The following TBX20 variants were observed in gnomAD, a reference collection of about 807,000 sequenced individuals.
TBX20 encodes the protein T-box transcription factor TBX20.
In TBX20, 8 loss-of-function variants were observed where a neutral mutation model predicts 42.9. That is an observed-to-expected ratio of 0.19 (90% CI 0.11 to 0.34). TBX20 has a LOEUF of 0.34. Ranked by LOEUF, TBX20 falls within the 10% of genes least tolerant of loss-of-function variation. TBX20 has a pLI of 1.00. For synonymous variants in TBX20, 198 were observed against 222.8 expected, an observed-to-expected ratio of 0.89 and a Z score of 0.99; for missense variants, 411 against 566.0, an observed-to-expected ratio of 0.73 and a Z score of 2.78.
intron 6 of TBX20, among the ~76,000 whole-genome samples, chr7:35,224,418 A>G (rs997100811): frequency 6.6e-6 from 1 of 152,270 alleles, no homozygotes; most frequent in Admixed American, 6.5e-5. Flanking sequence ...AAGCCTGTTA[A>G]TCCCAGCACT....
intron 3 of TBX20, among the ~76,000 whole-genome samples, chr7:35,247,430 T>G (rs1303197558): frequency 1.3e-5 from 2 of 152,164 alleles, no homozygotes; most frequent in Admixed American, 6.5e-5. Flanking sequence ...TTTAATATAC[T>G]GATTTGAAAG....
intron 5 of TBX20, among the ~76,000 whole-genome samples, chr7:35,232,464 CT>C (rs1789885553): frequency 6.6e-6 from 1 of 152,176 alleles, no homozygotes; most frequent in Non-Finnish European, 1.5e-5. Context: ...TGAAAGGAAG[CT>C]GAGAGACCAT....
chr7:35,216,333 G>A (rs1472101121), intron 6 of TBX20, among the ~76,000 whole-genome samples: 1 of 152,118 alleles, frequency 6.6e-6, no homozygotes, highest in Non-Finnish European at 1.5e-5. Context: ...AAGTGGTTAG[G>A]GGCATGTTTG....
chr7:35,241,215 G>A (rs1056785968), intron 4 of TBX20, among the ~76,000 whole-genome samples, 178 bp from the exon 5 acceptor site: 4 of 152,218 alleles, frequency 2.6e-5, no homozygotes, highest in Non-Finnish European at 4.4e-5. Flanking sequence ...CAGAGTCATT[G>A]TTGTGAATCA....
intron 6 of TBX20, among the ~76,000 whole-genome samples, chr7:35,222,208 T>C (rs561189818): frequency 2.0e-5 from 3 of 152,152 alleles, no homozygotes; most frequent in Non-Finnish European, 4.4e-5. Context: ...CATGATCTCA[T>C]CTACAAAATA....
chr7:35,228,643 T>C (rs1789816836), intron 6 of TBX20, among the ~76,000 whole-genome samples: 1 of 152,188 alleles, frequency 6.6e-6, no homozygotes, highest in Non-Finnish European at 1.5e-5. Flanking sequence ...CTTTGTGTAC[T>C]GGACAAAGTG....
intron 6 of TBX20, among the ~76,000 whole-genome samples, chr7:35,214,180 A>T (rs537482631): frequency 1.7e-3 from 258 of 152,296 alleles, no homozygotes; most frequent in African/African-American, 6.0e-3. Flanking sequence ...ATCCTCTTAG[A>T]TTATATTTTT....
intron 4 of TBX20, 72 bp downstream of exon 4, chr7:35,244,875 CAG>C (rs1790149777): frequency 3.8e-6 from 4 of 1,057,360 alleles, no homozygotes; most frequent in Non-Finnish European, 5.9e-6. Flanking sequence ...GGAAGGGACT[CAG>C]AGAGAGACAG....
intron 6 of TBX20, 81 bp from the exon 7 acceptor site, chr7:35,204,663 A>C: frequency 9.6e-7 from 1 of 1,044,332 alleles, no homozygotes; most frequent in East Asian, 2.5e-5. Context: ...GTAACTCACT[A>C]ATCAGTAAAA....
intron 4 of TBX20, among the ~76,000 whole-genome samples, chr7:35,243,267 G>A (rs1394552777): frequency 6.6e-6 from 1 of 152,166 alleles, no homozygotes; most frequent in African/African-American, 2.4e-5. Flanking sequence ...TTGCAGGTGT[G>A]AGCCACCGTG....
chr7:35,221,391 T>G (rs187052815), intron 6 of TBX20, among the ~76,000 whole-genome samples: 261 of 151,878 alleles, frequency 1.7e-3, no homozygotes, highest in African/African-American at 6.1e-3. Flanking sequence ...AAGGCTCAAT[T>G]ATATTTAAAT....
At chr7:35,207,004 G>A (rs1322268935) in intron 6 of TBX20, among the ~76,000 whole-genome samples, 1 of 150,290 alleles carries the variant, frequency 6.7e-6, no homozygotes, top group African/African-American at 2.5e-5. Context: ...TTAACAAATG[G>A]ACATATACTT....
chr7:35,250,064 G>A lies in TBX20; in HGVS notation c.267C>T (p.Thr89=). The A allele has an allele frequency of 6.2e-7, 1 of 1,614,096 alleles. No homozygotes were observed. Reference sequence around the variant, plus strand: ...CCATTTCCTCACTGGGGATGATGGGGGTGGTGGGGATCAGTGGCTCAGTGC... The same window carrying A: ...CCATTTCCTCACTGGGGATGATGGGAGTGGTGGGGATCAGTGGCTCAGTGC... ...SLCTEPLIPT[T]PIIPSEEMAK... The change falls in exon 2 of 8, where the codon ACC becomes ACT. Residue 89 remains threonine (T), a synonymous_variant. Coordinates refer to ENST00000408931, the MANE Select transcript of TBX20 (RefSeq NM_001077653.2).
intron 2 of TBX20, 21 bp from the exon 3 acceptor site, chr7:35,248,862 G>T: frequency 1.2e-6 from 2 of 1,611,438 alleles, no homozygotes; most frequent in Non-Finnish European, 1.7e-6. Context: ...GAGAGAGAGA[G>T]AATGGGCCCT....
chr7:35,221,341 A>C (rs1172859389), intron 6 of TBX20, among the ~76,000 whole-genome samples: 1 of 151,556 alleles, frequency 6.6e-6, no homozygotes, highest in African/African-American at 2.4e-5. Context: ...AAGGAAGAAA[A>C]TTTTCCTGAG....
Position 35,202,491 on chromosome 7 carries a change from C to A in TBX20, c.1283G>T (p.Gly428Val). 6.2e-7 allele frequency: 1 copy of A among 1,608,168 alleles called. No homozygotes were observed. The highest frequency in any genetic ancestry group is 8.5e-7 in the Non-Finnish European group (1 of 1,177,318). ...MPRYHHYFQQGPYAAIQGLRH... is the reference protein window; with the variant it reads ...MPRYHHYFQQVPYAAIQGLRH... ...TAGTCCTTGAATGGCAGCATAGGGCCCCTGCTGAAAATAGTGATGGTATCG... is the reference window on the plus strand; with the variant it reads ...TAGTCCTTGAATGGCAGCATAGGGCACCTGCTGAAAATAGTGATGGTATCG... The change falls in exon 8 of 8, where the codon GGG (glycine) becomes GTG (valine). Residue 428 changes from glycine to valine, a missense_variant. Around this residue, in one of 5 missense-constraint regions of TBX20, gnomAD observed 162 missense variants for 205.4 expected, o/e 0.79. Transcript: ENST00000408931.
Position 35,249,873 on chromosome 7 carries a change from T to C in TBX20, c.380+78A>G, listed in dbSNP as rs1790269835. On this transcript the variant is annotated intron_variant, in intron 2 of 7. Coordinates refer to ENST00000408931, the MANE Select transcript of TBX20 (RefSeq NM_001077653.2). This position sits in a 1 kb window ranked among gnomAD's most constrained non-coding sequence, Gnocchi z 4.3. Reference sequence around the variant, plus strand: ...CCATGACCAGCCAGCTCTCATCTAGTTCCTGGAAGCACCCTCAACTACCCA... The same window carrying C: ...CCATGACCAGCCAGCTCTCATCTAGCTCCTGGAAGCACCCTCAACTACCCA... 6.7e-7 allele frequency: 1 copy of C among 1,500,030 alleles called. No homozygotes were observed. Among genetic ancestry groups the C allele is most frequent in the African/African-American group, 1.4e-5 (1 of 71,830 alleles). 92.9% of individuals were successfully genotyped at this position (1,500,030 alleles called of 1,614,324 possible). A position where few individuals can be genotyped will look rare whatever the true frequency, so the allele number is the denominator to read the frequency against.
At chr7:35,211,441 G>GT (rs1789494268) in intron 6 of TBX20, among the ~76,000 whole-genome samples, 1 of 151,998 alleles carries the variant, frequency 6.6e-6, no homozygotes, top group Admixed American at 6.6e-5. Flanking sequence ...TTCGCCTTTT[G>GT]TATGTCTGAA....
At chr7:35,248,868 G>A (rs368044786) in intron 2 of TBX20, 27 bp from the exon 3 acceptor site, 2 of 1,613,752 alleles carry the variant, frequency 1.2e-6, no homozygotes, top group African/African-American at 2.7e-5. Context: ...GAGAGAATGG[G>A]CCCTGTTTAT....
Sources: gnomAD v4.1 joint callset for allele counts (sites outside exome capture counted in the v4.1 genomes callset) on GRCh38, gnomAD v4.1.1 for gene constraint, gnomAD v4.1.1 regional missense constraint, Gnocchi (gnomAD v3.1) non-coding constraint, MANE v1.5 for transcripts, NCBI Gene and HGNC (gene_info 2026-07-23, HGNC 2026-07-21) for gene names.